Variants in KMT2C observed in about 807,000 individuals in gnomAD.
KMT2C encodes lysine methyltransferase 2C, also known as histone-lysine N-methyltransferase 2C.
A neutral mutation model predicts 507.9 loss-of-function variants in KMT2C; 88 were observed. The ratio of observed to expected loss-of-function variants is 0.17; its 90% CI spans 0.15 to 0.21. The LOEUF is 0.21. KMT2C is among the 10% of genes least tolerant of loss of function. The probability of loss-of-function intolerance (pLI) is 1.00; values close to 1 mark genes in which losing one functional copy is unlikely to be tolerated. For synonymous variants in KMT2C, 2,049 were observed against 2,080.8 expected (o/e 0.98, Z 0.42); for missense variants, 4,954 against 5,957.8 (o/e 0.83, Z 5.55).
chr7:152,164,832 T>C (rs914556655), intron 42 of KMT2C, among the ~76,000 whole-genome samples: 38 of 152,344 alleles, frequency 2.5e-4, no homozygotes, highest in Middle Eastern at 3.4e-3. Context: ...TGCTCAATAC[T>C]ACAGGCCAGA....
In KMT2C at chr7:152,163,021, G is replaced by A. The variant is rs2129104167; in HGVS notation, c.10556C>T (p.Ser3519Leu). ...QVGPPSFVPD[S>L]PSIPVGSPNF... ...TGGGCTTCCAACAGGGATTGATGGT[G>A]AATCAGGAACAAATGAAGGAGGGCC... The change falls in exon 43 of 59, where the codon TCA becomes TTA. Residue 3519 changes from serine (S) to leucine (L), a missense_variant. Transcript: ENST00000262189. 6.2e-7 allele frequency: 1 copy of A among 1,614,192 alleles called. No homozygotes were observed. The highest frequency in any genetic ancestry group is 8.5e-7 in the Non-Finnish European group (1 of 1,180,026).
At chr7:152,343,777 A>G (rs962603507) in intron 2 of KMT2C, among the ~76,000 whole-genome samples, 1 of 152,200 alleles carries the variant, frequency 6.6e-6, no homozygotes, top group African/African-American at 2.4e-5. Flanking sequence ...TGAGAGAAAG[A>G]AAACATCAAC....
chr7:152,330,868 A>C, intron 2 of KMT2C, 129 bp from the exon 3 acceptor site: 3 of 853,688 alleles, frequency 3.5e-6, no homozygotes, highest in Non-Finnish European at 3.6e-6. Flanking sequence ...TCACTAACAC[A>C]AGAAAAGTTC....
intron 1 of KMT2C, among the ~76,000 whole-genome samples, chr7:152,432,665 AAGC>A (rs1417883687): frequency 6.6e-6 from 1 of 152,206 alleles, no homozygotes; most frequent in Non-Finnish European, 1.5e-5. Context: ...GTTAATGTAA[AAGC>A]AGTAACTATA....
chr7:152,255,109 T>TTATA (rs1207305132), intron 9 of KMT2C, among the ~76,000 whole-genome samples: 5,693 of 77,976 alleles, frequency 0.073, 457 homozygotes, highest in East Asian at 0.11. Context: ...CAACTCTCAC[T>TTATA]TATATATATA....
chr7:152,194,481 T>C lies in KMT2C; in HGVS notation c.4466A>G (p.Asp1489Gly). 3 of 1,613,494 alleles carry C rather than the reference T, an allele frequency of 1.9e-6. No homozygotes were observed. The highest frequency in any genetic ancestry group is 2.5e-6 in the Non-Finnish European group (3 of 1,179,528). The stretch of plus-strand genomic sequence containing the variant: ...GTCTAGTTCAGGACTGAGGATCCCA[T>C]CTAGCTGTTCTTCACTTAATGGTCG... Reference protein sequence around the residue: ...SSRPLSEEQLDGILSPELDKM... With the variant: ...SSRPLSEEQLGGILSPELDKM... The change falls in exon 29 of 59, where the codon GAT becomes GGT. Residue 1489 changes from aspartate to glycine, a missense_variant. Physicochemically the swap from Asp to Gly is moderately conservative, Grantham distance 94. Around this residue, in one of 29 missense-constraint regions of KMT2C, gnomAD observed 6 missense variants for 20.8 expected, o/e 0.29. Transcript: ENST00000262189.
At chr7:152,263,214 G>A (rs766057260) in intron 8 of KMT2C, 84 bp from the exon 9 acceptor site, 63 of 1,193,042 alleles carry the variant, frequency 5.3e-5, no homozygotes, top group Non-Finnish European at 7.7e-5. Context: ...AATCAGTCCT[G>A]GGAACTGCAC....
Position 152,179,855 on chromosome 7 carries a change from C to A in KMT2C, c.7421G>T (p.Gly2474Val), listed in dbSNP as rs374100131. 13 of 1,613,964 alleles carry A rather than the reference C, an allele frequency of 8.1e-6. No homozygotes were observed. In the African/African-American group the frequency reaches 1.7e-4, roughly 22 times the overall value. Residue 2474 changes from glycine to valine, a missense_variant, in exon 37 of 59, where the codon GGG becomes GTG. By Grantham distance (109) the Gly-to-Val change is moderately radical. This residue lies in a region of KMT2C where 1,689 missense variants were observed against 1,654.3 expected (regional missense o/e 1.02). Coordinates refer to ENST00000262189, the MANE Select transcript of KMT2C (RefSeq NM_170606.3). ...GPYPPDVASM[G>V]MRPHGFRFGF... is the part of the protein sequence containing the mutation. Reference sequence around the variant, plus strand: ...TTACCTAAATCCATGAGGTCTCATCCCCATACTAGCAACATCAGGAGGATA... The same window carrying A: ...TTACCTAAATCCATGAGGTCTCATCACCATACTAGCAACATCAGGAGGATA...
At chr7:152,399,748 T>A (rs1372558565) in intron 1 of KMT2C, among the ~76,000 whole-genome samples, 2 of 151,418 alleles carry the variant, frequency 1.3e-5, no homozygotes, top group Non-Finnish European at 2.9e-5. Flanking sequence ...AAAAAAAAAA[T>A]AAACCTTATT....
intron 24 of KMT2C, among the ~76,000 whole-genome samples, chr7:152,205,516 T>C (rs2094283337): frequency 6.6e-6 from 1 of 152,026 alleles, no homozygotes; most frequent in Non-Finnish European, 1.5e-5. Flanking sequence ...TAAATTACGC[T>C]GGCTTATCTA....
intron 37 of KMT2C, among the ~76,000 whole-genome samples, chr7:152,179,138 A>G (rs2093337635): frequency 6.6e-6 from 1 of 152,174 alleles, no homozygotes. Context: ...ATACAGGTGC[A>G]GTGCCTGCCG....
rs1460248756 is a variant in KMT2C, at chr7:152,138,775, T to A, written c.14643+21A>T. 1 of 1,431,134 alleles carries A rather than the reference T, an allele frequency of 7.0e-7. No homozygotes were observed. Among genetic ancestry groups the A allele is most frequent in the South Asian group, 1.2e-5 (1 of 80,884 alleles). 88.7% of individuals were successfully genotyped at this position (1,431,134 alleles called of 1,614,324 possible). On this transcript the variant is annotated intron_variant, in intron 58 of 58. Coordinates refer to ENST00000262189, the MANE Select transcript of KMT2C (RefSeq NM_170606.3). The surrounding 1 kb of genome is among the most constrained non-coding windows in gnomAD (Gnocchi z 4.2). ...CCCAGGATCTGAACAACATGGCAGA[T>A]GCAATCTCTCACACTCTTACCTCTT...
At chr7:152,345,361 G>C (rs985263371) in intron 2 of KMT2C, among the ~76,000 whole-genome samples, 5 of 152,152 alleles carry the variant, frequency 3.3e-5, no homozygotes, top group Non-Finnish European at 5.9e-5. Context: ...AGGATGGCTT[G>C]AGCCCAAGAG....
chr7:152,275,491 G>C (rs1427760923), intron 6 of KMT2C, among the ~76,000 whole-genome samples: 1 of 152,186 alleles, frequency 6.6e-6, no homozygotes, highest in African/African-American at 2.4e-5. Flanking sequence ...AATTACTGTT[G>C]TGACACTTTA....
chr7:152,204,975 AT>A lies in KMT2C; in HGVS notation c.3961+130del, dbSNP rs1485055905. 3 of 582,950 alleles carry A rather than the reference AT, an allele frequency of 5.1e-6. No individual in the cohort carries two copies. In the African/African-American group the frequency reaches 5.7e-5, roughly 11 times the overall value. The allele number at this position is 582,950 out of a possible 1,614,324, so 36.1% of individuals were successfully genotyped here. A position where few individuals can be genotyped will look rare whatever the true frequency, so the allele number is the denominator to read the frequency against. On this transcript the variant is annotated intron_variant, in intron 25 of 58. Coordinates refer to ENST00000262189, the MANE Select transcript of KMT2C (RefSeq NM_170606.3). ...ATCAATAAAAGGCAATAAGACTCTT[AT>A]TGAGTAACAATAAGAGGCAATAAGG... is the stretch of plus-strand genomic sequence containing the variant.
chr7:152,252,471 G>GT, intron 10 of KMT2C, 75 bp downstream of exon 10: 1 of 1,202,292 alleles, frequency 8.3e-7, no homozygotes, highest in African/African-American at 1.5e-5. Context: ...CTTAGAAGCT[G>GT]TAAGATGGTA....
chr7:152,151,069 C>G, intron 50 of KMT2C, 62 bp from the exon 51 acceptor site: 1 of 981,946 alleles, frequency 1.0e-6, no homozygotes, highest in South Asian at 1.4e-5. Flanking sequence ...AAAACAGGAT[C>G]TATACATTAT....
chr7:152,369,503 G>A (rs2097275861), intron 1 of KMT2C, among the ~76,000 whole-genome samples: 1 of 152,122 alleles, frequency 6.6e-6, no homozygotes, highest in South Asian at 2.1e-4. Flanking sequence ...AATATCATTT[G>A]TCCTCACCAA....
At chr7:152,357,434 G>C (rs975387454) in intron 2 of KMT2C, among the ~76,000 whole-genome samples, 2 of 152,018 alleles carry the variant, frequency 1.3e-5, no homozygotes, top group African/African-American at 4.8e-5. Context: ...TGACGCAGGA[G>C]AATGGCATGA....
Sources: allele counts gnomAD v4.1 joint callset (sites outside exome capture counted in the v4.1 genomes callset), GRCh38; gene constraint gnomAD v4.1.1; regional missense constraint gnomAD v4.1.1; non-coding constraint Gnocchi (gnomAD v3.1); transcripts MANE v1.5; gene names NCBI Gene and HGNC (gene_info 2026-07-23, HGNC 2026-07-21).